The following ATXN2 variants were observed in gnomAD, a reference collection of about 807,000 sequenced individuals.
The protein encoded by ATXN2 is ataxin 2.
Under a neutral mutation model 138.6 loss-of-function variants are expected in ATXN2, and 37 were observed. The ratio of observed to expected loss-of-function variants is 0.27; its 90% CI spans 0.21 to 0.35. The LOEUF (loss-of-function observed/expected upper bound fraction) is 0.35. ATXN2 is among the 10% of genes least tolerant of loss of function. The pLI is 1.00. For synonymous variants in ATXN2, 549 were observed against 543.7 expected, an observed-to-expected ratio of 1.01 and a Z score of -0.13; for missense variants, 1,216 against 1,480.3, an observed-to-expected ratio of 0.82 and a Z score of 2.93.
chr12:111,480,266 C>T (rs1877134759), intron 18 of ATXN2, among the ~76,000 whole-genome samples: 1 of 152,110 alleles, frequency 6.6e-6, no homozygotes, highest in Non-Finnish European at 1.5e-5. Context: ...AAATTACAGA[C>T]TAATAAAACT....
At chr12:111,474,887 C>T (rs1229890958) in intron 18 of ATXN2, among the ~76,000 whole-genome samples, 1 of 150,088 alleles carries the variant, frequency 6.7e-6, no homozygotes, top group East Asian at 2.0e-4. Flanking sequence ...AGTTCAAGAC[C>T]GGGCTGGCCA....
intron 14 of ATXN2, among the ~76,000 whole-genome samples, chr12:111,505,860 A>G (rs1285931491): frequency 6.6e-6 from 1 of 152,228 alleles, no homozygotes; most frequent in Non-Finnish European, 1.5e-5. Flanking sequence ...AAAGAAATGA[A>G]AAGATAGGAC....
intron 18 of ATXN2, among the ~76,000 whole-genome samples, chr12:111,480,931 G>A (rs974526781): frequency 6.6e-6 from 1 of 152,084 alleles, no homozygotes; most frequent in Non-Finnish European, 1.5e-5. Flanking sequence ...AGGAGCAACA[G>A]CAACAAAAGA....
chr12:111,503,762 A>G (rs1338103279), intron 14 of ATXN2, among the ~76,000 whole-genome samples: 2 of 151,778 alleles, frequency 1.3e-5, no homozygotes, highest in Admixed American at 6.6e-5. Flanking sequence ...GCTAATTTAT[A>G]TATTTTTAAT....
intron 1 of ATXN2, among the ~76,000 whole-genome samples, chr12:111,570,944 T>C (rs946815260): frequency 1.3e-5 from 2 of 152,244 alleles, no homozygotes; most frequent in African/African-American, 4.8e-5. Context: ...TTTTCAACCT[T>C]AACTTGCTGG....
chr12:111,594,239 A>G (rs1290785336), intron 1 of ATXN2, among the ~76,000 whole-genome samples: 1 of 152,228 alleles, frequency 6.6e-6, no homozygotes. Context: ...TATTCAACGT[A>G]GATATTTTAG....
chr12:111,556,054 T>C, intron 1 of ATXN2, 135 bp from the exon 2 acceptor site: 1 of 696,220 alleles, frequency 1.4e-6, no homozygotes, highest in East Asian at 3.2e-5. Flanking sequence ...ATATTAAGTC[T>C]AAAGGCTACC....
Position 111,554,881 on chromosome 12 carries a change from C to CTA in ATXN2, c.289-665_289-664insTA, listed in dbSNP as rs1216094175. Among the ~76,000 whole-genome samples, 4 of 152,282 alleles carry CTA rather than the reference C, an allele frequency of 2.6e-5. No homozygotes were observed. The East Asian group carries it at 7.7e-4, about 29-fold the overall frequency. ...CAGGTCATACCTTCATAGAAGAACC[C>CTA]TGACTAGGTTCTCCCAGCATATCAG... is the stretch of plus-strand genomic sequence containing the variant. On this transcript the variant is annotated intron_variant, in intron 2 of 24. Transcript: ENST00000673436.
At chr12:111,564,175 A>G (rs1249683260) in intron 1 of ATXN2, among the ~76,000 whole-genome samples, 1 of 152,182 alleles carries the variant, frequency 6.6e-6, no homozygotes, top group African/African-American at 2.4e-5. Flanking sequence ...CTTGGTCAGG[A>G]ACTCTTGGAC....
intron 1 of ATXN2, among the ~76,000 whole-genome samples, chr12:111,579,672 C>G (rs1301137208): frequency 6.6e-6 from 1 of 151,366 alleles, no homozygotes; most frequent in Non-Finnish European, 1.5e-5. Flanking sequence ...CAGAAAGAAA[C>G]TACTAACATG....
chr12:111,464,629 C>A (rs1448313958), intron 21 of ATXN2, 33 bp downstream of exon 21: 1 of 1,540,290 alleles, frequency 6.5e-7, no homozygotes, highest in Non-Finnish European at 9.0e-7. Context: ...TTTTACTGTA[C>A]AATTAAAAAT....
chr12:111,596,647 A>C (rs1884955786), intron 1 of ATXN2, among the ~76,000 whole-genome samples: 1 of 152,232 alleles, frequency 6.6e-6, no homozygotes, highest in African/African-American at 2.4e-5. Context: ...CAAGAATAAA[A>C]CTTCACATTA....
intron 13 of ATXN2, 130 bp from the exon 14 acceptor site, chr12:111,509,749 AT>A: frequency 1.0e-6 from 1 of 953,032 alleles, no homozygotes; most frequent in Non-Finnish European, 1.6e-6. Flanking sequence ...TTAAATTTGG[AT>A]TTTGGAATTT....
chr12:111,565,857 G>A (rs774485521), intron 1 of ATXN2, among the ~76,000 whole-genome samples: 4 of 151,924 alleles, frequency 2.6e-5, no homozygotes, highest in South Asian at 4.2e-4. Flanking sequence ...TTAGCCAGAC[G>A]TGGTGGTGGG....
intron 14 of ATXN2, among the ~76,000 whole-genome samples, chr12:111,499,797 C>T (rs1278059636): frequency 6.6e-6 from 1 of 152,124 alleles, no homozygotes. Flanking sequence ...GAGTTCGAGA[C>T]CAGCCTGGGC....
At chr12:111,534,362 A>G (rs1881021676) in intron 5 of ATXN2, among the ~76,000 whole-genome samples, 1 of 151,984 alleles carries the variant, frequency 6.6e-6, no homozygotes, top group Non-Finnish European at 1.5e-5. Flanking sequence ...GATCTGCATC[A>G]CCACACTCCA....
intron 5 of ATXN2, among the ~76,000 whole-genome samples, chr12:111,535,925 A>T (rs9805034): frequency 0.014 from 2,109 of 146,056 alleles, 54 homozygotes; most frequent in African/African-American, 0.05. Context: ...GCGTGAACCC[A>T]GGAGGCGGAG....
intron 2 of ATXN2, among the ~76,000 whole-genome samples, chr12:111,555,161 A>G (rs1882322606): frequency 6.6e-6 from 1 of 152,160 alleles, no homozygotes; most frequent in Non-Finnish European, 1.5e-5. Flanking sequence ...GCAGAAAAAA[A>G]GCACATTAAT....
At chr12:111,454,886 T>G in intron 23 of ATXN2, 1 of 592,716 alleles carries the variant, frequency 1.7e-6, no homozygotes, top group Non-Finnish European at 3.1e-6. Context: ...CCAGCTCTTA[T>G]GAAGCTGACT....
Sources: gnomAD v4.1 joint callset for allele counts (sites outside exome capture counted in the v4.1 genomes callset) on GRCh38, gnomAD v4.1.1 for gene constraint, MANE v1.5 for transcripts, NCBI Gene and HGNC (gene_info 2026-07-23, HGNC 2026-07-21) for gene names.